The following SAMTOR variants were observed in gnomAD, a reference collection of about 807,000 sequenced individuals.
SAMTOR encodes the protein S-adenosylmethionine sensor upstream of mTORC1.
chr7:112,847,710 G>A, the SAMTOR span, among the ~76,000 whole-genome samples: 59 of 152,122 alleles, frequency 3.9e-4, no homozygotes, highest in East Asian at 9.9e-3. Flanking sequence ...CGCGGGAGGC[G>A]GAGGTTGCGG....
chr7:112,888,726 A>G, the SAMTOR span, among the ~76,000 whole-genome samples: 20 of 152,280 alleles, frequency 1.3e-4, no homozygotes, highest in African/African-American at 4.3e-4. Flanking sequence ...TTAGAAAAAG[A>G]TAACTCTTGA....
the SAMTOR span, among the ~76,000 whole-genome samples, chr7:112,854,502 A>G: frequency 1.3e-5 from 2 of 152,226 alleles, no homozygotes; most frequent in Non-Finnish European, 2.9e-5. Flanking sequence ...GGCTCATAGA[A>G]TTAATGATTT....
At chr7:112,913,912 G>A in the SAMTOR span, among the ~76,000 whole-genome samples, 3 of 152,112 alleles carry the variant, frequency 2.0e-5, no homozygotes, top group South Asian at 4.1e-4. Flanking sequence ...ACCACTGTCT[G>A]CACTAGTGTA....
chr7:112,875,094 C>T, the SAMTOR span, among the ~76,000 whole-genome samples: 1 of 152,184 alleles, frequency 6.6e-6, no homozygotes, highest in African/African-American at 2.4e-5. Flanking sequence ...GATGATGCCT[C>T]TGGTGTCACC....
chr7:112,882,966 G>A, the SAMTOR span, among the ~76,000 whole-genome samples: 94 of 152,102 alleles, frequency 6.2e-4, no homozygotes, highest in African/African-American at 2.3e-3. Flanking sequence ...AAAAAATCAC[G>A]TTTAAACTGT....
At chr7:112,891,162 T>C in the SAMTOR span, among the ~76,000 whole-genome samples, 3 of 152,210 alleles carry the variant, frequency 2.0e-5, no homozygotes, top group Non-Finnish European at 4.4e-5. Context: ...GAAGTATAAC[T>C]ATATAATTTC....
the SAMTOR span, among the ~76,000 whole-genome samples, chr7:112,885,792 C>T: frequency 6.6e-6 from 1 of 152,194 alleles, no homozygotes; most frequent in Non-Finnish European, 1.5e-5. Context: ...TGACGTCTGC[C>T]TGTTACCCAG....
the SAMTOR span, among the ~76,000 whole-genome samples, chr7:112,825,853 GTT>G: frequency 9.3e-5 from 13 of 139,444 alleles, no homozygotes; most frequent in Admixed American, 2.2e-4. Flanking sequence ...TAAATTCTGA[GTT>G]TTTTTTTTTT....
the SAMTOR span, among the ~76,000 whole-genome samples, chr7:112,828,127 A>G: frequency 6.6e-6 from 1 of 152,194 alleles, no homozygotes; most frequent in Non-Finnish European, 1.5e-5. Flanking sequence ...CTACTGTCAT[A>G]AATGTTCATT....
the SAMTOR span, among the ~76,000 whole-genome samples, chr7:112,841,596 C>T: frequency 1.3e-5 from 2 of 151,972 alleles, no homozygotes; most frequent in South Asian, 4.2e-4. Context: ...CATATGGAAC[C>T]AAAAAAGGAG....
the SAMTOR span, among the ~76,000 whole-genome samples, chr7:112,914,859 G>A: frequency 6.6e-6 from 1 of 152,210 alleles, no homozygotes; most frequent in Non-Finnish European, 1.5e-5. Context: ...GCAAAAGGGA[G>A]AAAAGTTGTT....
chr7:112,883,103 A>G, the SAMTOR span, among the ~76,000 whole-genome samples: 1 of 152,198 alleles, frequency 6.6e-6, no homozygotes, highest in African/African-American at 2.4e-5. Context: ...AATATTTTAT[A>G]TCTTAAGGCA....
At chr7:112,869,015 CT>C in the SAMTOR span, among the ~76,000 whole-genome samples, 3 of 152,136 alleles carry the variant, frequency 2.0e-5, no homozygotes, top group African/African-American at 7.2e-5. Context: ...CTCCAGTCCC[CT>C]GGAGATTTAA....
At chr7:112,872,018 T>C in the SAMTOR span, among the ~76,000 whole-genome samples, 2 of 152,160 alleles carry the variant, frequency 1.3e-5, no homozygotes, top group African/African-American at 4.8e-5. Context: ...ACCAGAGGAA[T>C]TCATAGCCGA....
At chr7:112,924,780 T>C in the SAMTOR span, among the ~76,000 whole-genome samples, 6 of 151,218 alleles carry the variant, frequency 4.0e-5, no homozygotes, top group Non-Finnish European at 2.9e-5. Context: ...TGTTAAATCA[T>C]AATAAATTAT....
At chr7:112,847,425 C>G in the SAMTOR span, among the ~76,000 whole-genome samples, 1 of 152,268 alleles carries the variant, frequency 6.6e-6, no homozygotes, top group East Asian at 1.9e-4. Flanking sequence ...TACTACCCAC[C>G]AAACATACAT....
At chr7:112,890,494 CTT>C in the SAMTOR span, among the ~76,000 whole-genome samples, 1 of 152,046 alleles carries the variant, frequency 6.6e-6, no homozygotes, top group East Asian at 1.9e-4. Flanking sequence ...AGTTTCTATA[CTT>C]TTTAACCAAA....
At chr7:112,863,014 T>C in the SAMTOR span, among the ~76,000 whole-genome samples, 3 of 151,980 alleles carry the variant, frequency 2.0e-5, no homozygotes, top group Non-Finnish European at 4.4e-5. Context: ...GGCATCACAC[T>C]ACTTGACTTC....
At chr7:112,908,889 G>A in the SAMTOR span, among the ~76,000 whole-genome samples, 8 of 152,260 alleles carry the variant, frequency 5.3e-5, no homozygotes, top group Non-Finnish European at 8.8e-5. Flanking sequence ...TAACGAGACC[G>A]GGTGAGACTG....
Sources: gnomAD v4.1 joint callset for allele counts (sites outside exome capture counted in the v4.1 genomes callset) on GRCh38, gnomAD v4.1.1 for gene constraint, MANE v1.5 for transcripts, NCBI Gene and HGNC (gene_info 2026-07-23, HGNC 2026-07-21) for gene names.